The following LUZP2 variants were observed in gnomAD, a reference collection of about 807,000 sequenced individuals.
The protein encoded by LUZP2 is leucine zipper protein 2.
Under a neutral mutation model 51.6 loss-of-function variants are expected in LUZP2, and 52 were observed. That is an observed-to-expected ratio of 1.01 (90% CI 0.81 to 1.27). The LOEUF (loss-of-function observed/expected upper bound fraction) is 1.27, where lower values mean the gene tolerates loss of function less well. Ranked by LOEUF, LUZP2 falls within the 50% of genes most tolerant of loss-of-function variation. The pLI is 0.00. For synonymous variants in LUZP2, 154 were observed against 137.3 expected, an observed-to-expected ratio of 1.12 and a Z score of -0.85; for missense variants, 436 against 395.4, an observed-to-expected ratio of 1.10 and a Z score of -0.87.
At chr11:24,549,868 CATGA>C (rs1367271726) in intron 1 of LUZP2, among the ~76,000 whole-genome samples, 2 of 151,944 alleles carry the variant, frequency 1.3e-5, no homozygotes, top group Admixed American at 1.3e-4. Flanking sequence ...CATTTATGGA[CATGA>C]ATTGGAAGAT....
At chr11:24,575,333 C>A (rs575143235) in intron 1 of LUZP2, among the ~76,000 whole-genome samples, 14 of 152,220 alleles carry the variant, frequency 9.2e-5, no homozygotes, top group African/African-American at 3.4e-4. Context: ...GTTATTGTTT[C>A]TTTTCCTATA....
At chr11:24,691,710 GA>G (rs1226358025) in intron 1 of LUZP2, among the ~76,000 whole-genome samples, 21 of 152,084 alleles carry the variant, frequency 1.4e-4, no homozygotes, top group African/African-American at 5.1e-4. Flanking sequence ...CTGGTGGAAG[GA>G]GACTTAACAA....
intron 1 of LUZP2, among the ~76,000 whole-genome samples, chr11:24,602,076 ATATATGTG>A (rs1258073115): frequency 1.6e-5 from 2 of 125,212 alleles, no homozygotes; most frequent in Non-Finnish European, 3.2e-5. Context: ...ATATATGCGT[ATATATGTG>A]TATATATGTA....
intron 6 of LUZP2, among the ~76,000 whole-genome samples, chr11:24,910,372 G>A (rs887630410): frequency 2.6e-5 from 4 of 152,194 alleles, no homozygotes; most frequent in Admixed American, 6.5e-5. Context: ...AAGGGACAAG[G>A]AAACCTTCAT....
At chr11:24,781,528 G>C (rs538176099) in intron 5 of LUZP2, among the ~76,000 whole-genome samples, 2 of 151,568 alleles carry the variant, frequency 1.3e-5, no homozygotes, top group Non-Finnish European at 2.9e-5. Context: ...ACACTAGATG[G>C]AGTAATTTTC....
intron 9 of LUZP2, among the ~76,000 whole-genome samples, chr11:25,044,922 A>T (rs1190017063): frequency 6.6e-6 from 1 of 151,818 alleles, no homozygotes; most frequent in Non-Finnish European, 1.5e-5. Flanking sequence ...AAATGGATGA[A>T]ACTGGAAACC....
At chr11:24,976,478 T>G (rs1590795519) in intron 7 of LUZP2, 113 bp from the exon 8 acceptor site, 1 of 386,548 alleles carries the variant, frequency 2.6e-6, no homozygotes, top group Non-Finnish European at 4.2e-6. Flanking sequence ...GACACTGTTT[T>G]TTTTTTTTTT....
At chr11:24,744,850 A>G (rs565669348) in intron 4 of LUZP2, among the ~76,000 whole-genome samples, 1 of 152,198 alleles carries the variant, frequency 6.6e-6, no homozygotes, top group Non-Finnish European at 1.5e-5. Flanking sequence ...ATTTAGGGCT[A>G]TGAACTTTCC....
At chr11:24,844,031 G>A (rs2716513) in intron 5 of LUZP2, among the ~76,000 whole-genome samples, 23,049 of 152,046 alleles carry the variant, frequency 0.15, 1,921 homozygotes, top group African/African-American at 0.2. Flanking sequence ...CAGTAGAGTG[G>A]GGCATTGCTA....
At chr11:24,943,618 C>T (rs1215112847) in intron 7 of LUZP2, among the ~76,000 whole-genome samples, 1 of 152,124 alleles carries the variant, frequency 6.6e-6, no homozygotes, top group African/African-American at 2.4e-5. Context: ...TGGCTCATGC[C>T]TGTAATCCCA....
In LUZP2 at chr11:24,971,308, C is replaced by T. The variant is rs138758400; in HGVS notation, c.523-5283C>T. 3.1e-3 allele frequency among the ~76,000 whole-genome samples: 472 copies of T among 152,240 alleles called. 5 individuals carry two copies. The highest frequency in any genetic ancestry group is 0.011 in the African/African-American group (448 of 41,564). On this transcript the variant is annotated intron_variant, in intron 7 of 11. Coordinates refer to ENST00000336930, the MANE Select transcript of LUZP2 (RefSeq NM_001009909.4). Reference sequence around the variant, plus strand: ...GCATGCAGCCCAGATCCCTTACATGCGTAGTTCACAATAGGGTTCATGCCC... The same window carrying T: ...GCATGCAGCCCAGATCCCTTACATGTGTAGTTCACAATAGGGTTCATGCCC...
At chr11:24,889,451 T>C (rs1852777461) in intron 5 of LUZP2, among the ~76,000 whole-genome samples, 1 of 152,208 alleles carries the variant, frequency 6.6e-6, no homozygotes, top group African/African-American at 2.4e-5. Context: ...AGATAAACTA[T>C]GTGATCTGTT....
At chr11:24,594,495 C>T (rs573531051) in intron 1 of LUZP2, among the ~76,000 whole-genome samples, 1 of 152,232 alleles carries the variant, frequency 6.6e-6, no homozygotes, top group East Asian at 1.9e-4. Context: ...GGGATCGATA[C>T]TTTGATGACC....
chr11:25,039,875 C>T (rs980111828), intron 9 of LUZP2, among the ~76,000 whole-genome samples: 1 of 151,838 alleles, frequency 6.6e-6, no homozygotes, highest in African/African-American at 2.4e-5. Flanking sequence ...AATTTTTTTT[C>T]AAACTCTGTA....
intron 4 of LUZP2, among the ~76,000 whole-genome samples, chr11:24,751,065 C>A (rs1379476656): frequency 1.3e-5 from 2 of 152,040 alleles, no homozygotes; most frequent in Non-Finnish European, 1.5e-5. Flanking sequence ...ATGGAATAAA[C>A]CATTTTCTTT....
chr11:25,015,089 T>A (rs997642162), intron 9 of LUZP2, among the ~76,000 whole-genome samples: 3 of 152,186 alleles, frequency 2.0e-5, no homozygotes, highest in Admixed American at 6.5e-5. Context: ...TTATAAAATA[T>A]TTTTGTCATG....
intron 7 of LUZP2, among the ~76,000 whole-genome samples, chr11:24,968,044 G>A (rs187745773): frequency 6.6e-6 from 1 of 151,972 alleles, no homozygotes; most frequent in African/African-American, 2.4e-5. Context: ...ATTTGTGTAC[G>A]GTTTGTTTTA....
chr11:24,992,224 T>A (rs1856370577), intron 9 of LUZP2, among the ~76,000 whole-genome samples: 1 of 152,216 alleles, frequency 6.6e-6, no homozygotes, highest in South Asian at 2.1e-4. Context: ...AAACAGGCTG[T>A]AAGAAAATCA....
At chr11:24,679,944 G>A (rs915420075) in intron 1 of LUZP2, among the ~76,000 whole-genome samples, 5 of 152,150 alleles carry the variant, frequency 3.3e-5, no homozygotes, top group Non-Finnish European at 7.4e-5. Context: ...TGTGCTGAGC[G>A]ATGAAGTGCT....
Sources: gnomAD v4.1 joint callset for allele counts (sites outside exome capture counted in the v4.1 genomes callset) on GRCh38, gnomAD v4.1.1 for gene constraint, MANE v1.5 for transcripts, NCBI Gene and HGNC (gene_info 2026-07-23, HGNC 2026-07-21) for gene names.